The following RBM20 variants were observed in gnomAD, a reference collection of about 807,000 sequenced individuals.
RBM20 encodes RNA-binding protein 20.
RBM20 carries 51 observed loss-of-function variants against 110.1 expected under a neutral mutation model. That is an observed-to-expected ratio of 0.46 (90% CI 0.37 to 0.59). RBM20 has a LOEUF of 0.59. RBM20 is among the 20% of genes least tolerant of loss of function. RBM20 has a pLI of 0.00. For missense variants in RBM20, 1,512 were observed against 1,574.9 expected (o/e 0.96, Z 0.68); for synonymous variants, 589 against 618.2 (o/e 0.95, Z 0.70).
intron 1 of RBM20, among the ~76,000 whole-genome samples, chr10:110,753,728 C>A (rs530347247): frequency 6.6e-6 from 1 of 152,330 alleles, no homozygotes; most frequent in Admixed American, 6.5e-5. Context: ...TCATCAGTTT[C>A]CCTGGGCTAA....
chr10:110,645,356 A>G (rs1220480069), intron 1 of RBM20, among the ~76,000 whole-genome samples: 1 of 152,050 alleles, frequency 6.6e-6, no homozygotes, highest in African/African-American at 2.4e-5. Flanking sequence ...GATGCTTTGT[A>G]TTGTTTGTTC....
chr10:110,646,666 T>C (rs1861872824), intron 1 of RBM20, among the ~76,000 whole-genome samples: 1 of 152,242 alleles, frequency 6.6e-6, no homozygotes, highest in Non-Finnish European at 1.5e-5. Flanking sequence ...TGGAACCAGA[T>C]ATAATGTCGC....
chr10:110,725,298 G>A (rs1843549053), intron 1 of RBM20, among the ~76,000 whole-genome samples: 1 of 152,198 alleles, frequency 6.6e-6, no homozygotes, highest in South Asian at 2.1e-4. Context: ...TTTGCAAACA[G>A]TTTCAATTTC....
chr10:110,722,295 T>C (rs1190117266), intron 1 of RBM20, among the ~76,000 whole-genome samples: 2 of 152,170 alleles, frequency 1.3e-5, no homozygotes, highest in African/African-American at 2.4e-5. Flanking sequence ...CACAACAAAA[T>C]TGAGAGGAAG....
chr10:110,700,459 A>G (rs1862740839), intron 1 of RBM20, among the ~76,000 whole-genome samples: 1 of 152,220 alleles, frequency 6.6e-6, no homozygotes, highest in African/African-American at 2.4e-5. Flanking sequence ...CTTGGCTGCC[A>G]ACAGGAACCC....
intron 1 of RBM20, among the ~76,000 whole-genome samples, chr10:110,724,336 AG>A (rs1367089342): frequency 6.6e-6 from 1 of 152,224 alleles, no homozygotes; most frequent in Non-Finnish European, 1.5e-5. Context: ...CAGGCTGCTC[AG>A]GTTGAAATTG....
At chr10:110,715,057 G>C (rs1862995079) in intron 1 of RBM20, among the ~76,000 whole-genome samples, 2 of 152,316 alleles carry the variant, frequency 1.3e-5, no homozygotes, top group African/African-American at 4.8e-5. Context: ...AGACCATCCT[G>C]GTCAACATGG....
rs1844402657 is a variant in RBM20, at chr10:110,784,983, A to G, written c.1527+94A>G. 1.0e-5 allele frequency: 8 copies of G among 800,980 alleles called. No individual in the cohort carries two copies. In the East Asian group the frequency reaches 1.1e-4, roughly 11 times the overall value. 49.6% of individuals were successfully genotyped at this position (800,980 alleles called of 1,614,324 possible). Reference sequence around the variant, plus strand: ...TTTGAGACAGCCAGGCTGGAATGCAATGGTGCAATCATATCTCACTGCAGC... The same window carrying G: ...TTTGAGACAGCCAGGCTGGAATGCAGTGGTGCAATCATATCTCACTGCAGC... On this transcript the variant is annotated intron_variant, in intron 5 of 13. Transcript: ENST00000369519.
At chr10:110,835,647 A>G in intron 13 of RBM20, 1 of 400,636 alleles carries the variant, frequency 2.5e-6, no homozygotes. Flanking sequence ...TACTTTCTAC[A>G]TTTTCTACAG....
At chr10:110,834,309 T>A (rs1365031621) in intron 13 of RBM20, among the ~76,000 whole-genome samples, 1 of 151,280 alleles carries the variant, frequency 6.6e-6, no homozygotes, top group African/African-American at 2.5e-5. Flanking sequence ...ATCCACCGTT[T>A]GCTCTTCTCC....
At chr10:110,779,256 G>A (rs980777101) in intron 1 of RBM20, among the ~76,000 whole-genome samples, 3 of 152,146 alleles carry the variant, frequency 2.0e-5, no homozygotes, top group Admixed American at 6.5e-5. Flanking sequence ...AGGAGAATGG[G>A]GCTGAAAGTA....
chr10:110,746,083 C>T (rs1057014273), intron 1 of RBM20, among the ~76,000 whole-genome samples: 13 of 152,126 alleles, frequency 8.5e-5, no homozygotes, highest in Admixed American at 5.9e-4. Flanking sequence ...CGTTTGGTAG[C>T]GATTCGGCTG....
chr10:110,658,654 A>T (rs1407938645), intron 1 of RBM20, among the ~76,000 whole-genome samples: 1 of 151,964 alleles, frequency 6.6e-6, no homozygotes, highest in Non-Finnish European at 1.5e-5. Context: ...TCTCTGCAGC[A>T]GCACAGTCTT....
At chr10:110,672,574 C>T (rs1862277681) in intron 1 of RBM20, among the ~76,000 whole-genome samples, 1 of 152,260 alleles carries the variant, frequency 6.6e-6, no homozygotes. Flanking sequence ...GGAAGCTGCG[C>T]GCTCGCGCCC....
At position 110,784,804 on chromosome 10, in the gene RBM20, A is replaced by G. The variant is rs2135050951; in HGVS notation, c.1442A>G (p.Asn481Ser). Residue 481 changes from asparagine to serine, a missense_variant, in exon 5 of 14, where the codon AAT becomes AGT. Around this residue, in one of 3 missense-constraint regions of RBM20, gnomAD observed 1,149 missense variants for 1,169.4 expected, o/e 0.98. Coordinates refer to ENST00000369519, the MANE Select transcript of RBM20 (RefSeq NM_001134363.3). ...ATTCATCATTTAGATTATGCCTCAA[A>G]TCTTGGAACATCATACGTGCCCATT... ...NPAGNEDYASNLGTSYVPIPA... is the reference protein window; with the variant it reads ...NPAGNEDYASSLGTSYVPIPA... 1 of 1,548,680 alleles carries G rather than the reference A, an allele frequency of 6.5e-7. No individual in the cohort carries two copies. The highest frequency in any genetic ancestry group is 1.7e-4 in the Middle Eastern group (1 of 5,988).
intron 1 of RBM20, among the ~76,000 whole-genome samples, chr10:110,667,660 C>T (rs1010217247): frequency 2.0e-5 from 3 of 152,176 alleles, no homozygotes; most frequent in African/African-American, 4.8e-5. Context: ...TCACTAATCT[C>T]GTAACACACA....
At chr10:110,811,469 T>C (rs2135101981) in intron 8 of RBM20, among the ~76,000 whole-genome samples, 1 of 152,346 alleles carries the variant, frequency 6.6e-6, no homozygotes, top group Admixed American at 6.5e-5. Flanking sequence ...GTCTGTTTTT[T>C]TAAAAAAATT....
At chr10:110,658,736 T>G (rs892573310) in intron 1 of RBM20, among the ~76,000 whole-genome samples, 13 of 152,060 alleles carry the variant, frequency 8.5e-5, no homozygotes, top group Non-Finnish European at 1.6e-4. Flanking sequence ...TCAGACTGCA[T>G]GGAAGGCCTT....
chr10:110,771,830 G>A (rs1400851307), intron 1 of RBM20, among the ~76,000 whole-genome samples: 1 of 152,210 alleles, frequency 6.6e-6, no homozygotes, highest in Non-Finnish European at 1.5e-5. Flanking sequence ...TTCTATCACT[G>A]GGCCAGGATT....
Sources: allele counts gnomAD v4.1 joint callset (sites outside exome capture counted in the v4.1 genomes callset), GRCh38; gene constraint gnomAD v4.1.1; regional missense constraint gnomAD v4.1.1; transcripts MANE v1.5; gene names NCBI Gene and HGNC (gene_info 2026-07-23, HGNC 2026-07-21).